Variants in UGGT2 observed in about 807,000 individuals in gnomAD.
UGGT2 encodes the protein UDP-glucose glycoprotein glucosyltransferase 2.
A neutral mutation model predicts 192.1 loss-of-function variants in UGGT2; 180 were observed. The observed-to-expected ratio is 0.94, with a 90% CI of 0.83 to 1.06. The LOEUF (loss-of-function observed/expected upper bound fraction) is 1.06. UGGT2 is among the 50% of genes least tolerant of loss of function. The pLI is 0.00. For missense variants in UGGT2, 1,849 were observed against 1,795.7 expected (o/e 1.03, Z -0.54); for synonymous variants, 580 against 591.0 (o/e 0.98, Z 0.27).
At chr13:95,805,697 T>A (rs1431306706) in intron 38 of UGGT2, among the ~76,000 whole-genome samples, 1 of 152,138 alleles carries the variant, frequency 6.6e-6, no homozygotes, top group Non-Finnish European at 1.5e-5. Flanking sequence ...ATAAATACTA[T>A]ATTATCCCAC....
chr13:96,043,989 GA>G lies in UGGT2; in HGVS notation c.158+9165del, dbSNP rs370232713. Among the ~76,000 whole-genome samples, 14 of 152,152 alleles carry G rather than the reference GA, an allele frequency of 9.2e-5. No homozygotes were observed. In the South Asian group the frequency reaches 1.5e-3, roughly 16 times the overall value. On this transcript the variant is annotated intron_variant, in intron 1 of 38. Coordinates refer to ENST00000376747, the MANE Select transcript of UGGT2 (RefSeq NM_020121.4). ...AAAGTCAACAAAGAAACAATGGATT[GA>G]AACTATACCCTGGAAAAAATGGACT... is the stretch of plus-strand genomic sequence containing the variant.
At chr13:95,834,856 T>G (rs967228624) in intron 37 of UGGT2, among the ~76,000 whole-genome samples, 1 of 152,204 alleles carries the variant, frequency 6.6e-6, no homozygotes, top group Non-Finnish European at 1.5e-5. Flanking sequence ...CACACTTTTT[T>G]TCCCCTTCCC....
intron 38 of UGGT2, among the ~76,000 whole-genome samples, chr13:95,805,882 A>C (rs1050421951): frequency 2.0e-5 from 3 of 152,096 alleles, no homozygotes; most frequent in African/African-American, 7.2e-5. Context: ...TACTGAACTT[A>C]AAAATGGTTA....
At chr13:95,902,750 T>G in intron 21 of UGGT2, 104 bp downstream of exon 21, 1 of 1,114,544 alleles carries the variant, frequency 9.0e-7, no homozygotes. Flanking sequence ...TTATCTTCAT[T>G]TGTTTAAATC....
chr13:95,968,818 T>C (rs571231083), intron 12 of UGGT2, among the ~76,000 whole-genome samples: 1 of 152,236 alleles, frequency 6.6e-6, no homozygotes, highest in South Asian at 2.1e-4. Flanking sequence ...CATGTATACA[T>C]GTATGAAGAA....
rs1566593048 is a variant in UGGT2, at chr13:95,854,420, TA to T, written c.4063del (p.Tyr1355MetfsTer29). 1 of 1,613,608 alleles carries T rather than the reference TA, an allele frequency of 6.2e-7. No individual in the cohort carries two copies. The highest frequency in any genetic ancestry group is 1.7e-5 in the Admixed American group (1 of 59,896). ...LRDFDLDGAP[Y>X]GYTPFCDSRR... ...GCTATCACAAAATGGAGTATACCCATAAGGAGCTCCATCCAGATCGAAATCT... is the reference window on the plus strand; with the variant it reads ...GCTATCACAAAATGGAGTATACCCATAGGAGCTCCATCCAGATCGAAATCT... On this transcript the variant is annotated frameshift_variant, in exon 35 of 39. Transcript: ENST00000376747. LOFTEE classifies it high-confidence loss of function.
intron 17 of UGGT2, among the ~76,000 whole-genome samples, chr13:95,930,179 T>C (rs2049198105): frequency 6.6e-6 from 1 of 152,232 alleles, no homozygotes; most frequent in Non-Finnish European, 1.5e-5. Context: ...TAGAATTTTG[T>C]CGGATATACA....
chr13:95,825,935 C>T (rs577019584), intron 38 of UGGT2, among the ~76,000 whole-genome samples: 48 of 152,212 alleles, frequency 3.2e-4, no homozygotes, highest in Admixed American at 9.8e-4. Context: ...ACAGTGATTG[C>T]TACTGCTCTT....
intron 9 of UGGT2, 151 bp downstream of exon 9, chr13:95,986,182 T>C: frequency 6.0e-6 from 3 of 503,124 alleles, no homozygotes; most frequent in Non-Finnish European, 1.0e-5. Context: ...AATCAAAAAA[T>C]ATATATATAT....
chr13:95,900,443 GAAGA>G (rs998811405), intron 22 of UGGT2, among the ~76,000 whole-genome samples: 35 of 152,224 alleles, frequency 2.3e-4, no homozygotes, highest in African/African-American at 7.5e-4. Context: ...GTAGGAACAA[GAAGA>G]AAGATGTCAT....
intron 38 of UGGT2, among the ~76,000 whole-genome samples, chr13:95,813,380 C>G (rs1884670291): frequency 6.6e-6 from 1 of 152,168 alleles, no homozygotes; most frequent in South Asian, 2.1e-4. Flanking sequence ...AAGAACTTGG[C>G]TGCATTCTGT....
intron 38 of UGGT2, among the ~76,000 whole-genome samples, chr13:95,815,431 A>G (rs1039086572): frequency 2.0e-5 from 3 of 152,332 alleles, no homozygotes; most frequent in Non-Finnish European, 2.9e-5. Context: ...ACAAAAATTA[A>G]TTGTATTTCT....
At chr13:95,887,423 A>G in intron 26 of UGGT2, 1 of 403,852 alleles carries the variant, frequency 2.5e-6, no homozygotes, top group South Asian at 1.9e-5. Context: ...TCAACAGAAG[A>G]GTGTTAATGA....
chr13:95,859,558 T>A (rs773328613), intron 33 of UGGT2, 33 bp downstream of exon 33: 14 of 1,475,288 alleles, frequency 9.5e-6, no homozygotes, highest in Non-Finnish European at 1.3e-5. Context: ...TATTCAAACA[T>A]TAACCATTCT....
At chr13:95,882,124 G>A (rs1426262865) in intron 27 of UGGT2, among the ~76,000 whole-genome samples, 1 of 151,750 alleles carries the variant, frequency 6.6e-6, no homozygotes, top group African/African-American at 2.4e-5. Context: ...TGGTCAGGCT[G>A]GCCTCAAACT....
chr13:95,988,159 T>C (rs1019610946), intron 8 of UGGT2, among the ~76,000 whole-genome samples: 1 of 152,068 alleles, frequency 6.6e-6, no homozygotes, highest in African/African-American at 2.4e-5. Flanking sequence ...TTGCAAATAC[T>C]GGAATCGAAT....
At chr13:95,980,186 C>T (rs1459160401) in intron 10 of UGGT2, among the ~76,000 whole-genome samples, 4 of 152,148 alleles carry the variant, frequency 2.6e-5, no homozygotes, top group African/African-American at 9.7e-5. Context: ...AAGATACTTG[C>T]ATATGCATGT....
At chr13:95,807,715 C>CTTTTTTTTTTTTTTTTTTTTTTTTTTTT (rs200081851) in intron 38 of UGGT2, among the ~76,000 whole-genome samples, 1 of 48,040 alleles carries the variant, frequency 2.1e-5, no homozygotes. Context: ...TCAGCCCTCA[C>CTTTTTTTTTTTTTTTTTTTTTTTTTTTT]CTTTTTTTTT....
In UGGT2 at chr13:95,877,823, C is replaced by T. The variant is rs1214296988; in HGVS notation, c.3262G>A (p.Glu1088Lys). 1 of 1,613,708 alleles carries T rather than the reference C, an allele frequency of 6.2e-7. No individual in the cohort carries two copies. The highest frequency in any genetic ancestry group is 1.7e-5 in the Admixed American group (1 of 59,992). Residue 1088 changes from glutamate (E) to lysine (K), a missense_variant, in exon 28 of 39, where the codon GAA becomes AAA. Coordinates refer to ENST00000376747, the MANE Select transcript of UGGT2 (RefSeq NM_020121.4). ...CATTGTCCTTCCAGTAGTAAGTATT[C>T]TAGTTCATATTCTGCTGTAACAGTT... is the stretch of plus-strand genomic sequence containing the variant. ...EKTVTAEYEL[E>K]YLLLEGQCFD...
Sources: allele counts gnomAD v4.1 joint callset (sites outside exome capture counted in the v4.1 genomes callset), GRCh38; gene constraint gnomAD v4.1.1; transcripts MANE v1.5; gene names NCBI Gene and HGNC (gene_info 2026-07-23, HGNC 2026-07-21).